POU2F2: variants seen among roughly 807,000 people sequenced by gnomAD.
POU2F2 encodes POU class 2 homeobox 2.
In POU2F2, 14 loss-of-function variants were observed where a neutral mutation model predicts 63.5. That is an observed-to-expected ratio of 0.22 (90% CI 0.15 to 0.34). POU2F2 has a LOEUF of 0.34. Among genes scored for constraint, POU2F2 ranks in the 10% least tolerant of loss-of-function variants. The pLI is 1.00. For synonymous variants in POU2F2, 306 were observed against 348.6 expected (o/e 0.88, Z 1.36); for missense variants, 607 against 815.2 (o/e 0.74, Z 3.11).
At chr19:42,104,754 G>C (rs539491963) in intron 5 of POU2F2, among the ~76,000 whole-genome samples, 1 of 152,236 alleles carries the variant, frequency 6.6e-6, no homozygotes, top group African/African-American at 2.4e-5. Flanking sequence ...TCTGGGATTT[G>C]AAACATGTAC....
At chr19:42,183,292 C>G (rs565896392) in intron 1 of POU2F2, among the ~76,000 whole-genome samples, 2 of 152,272 alleles carry the variant, frequency 1.3e-5, no homozygotes, top group African/African-American at 2.4e-5. Flanking sequence ...GTTACTGATA[C>G]ACACAGCAAC....
At chr19:42,123,740 A>C (rs955613887) in intron 1 of POU2F2, among the ~76,000 whole-genome samples, 4 of 152,114 alleles carry the variant, frequency 2.6e-5, no homozygotes, top group African/African-American at 9.7e-5. Context: ...GCTCATCCTG[A>C]AACTGAATCC....
chr19:42,187,635 G>A lies in POU2F2; in HGVS notation c.-70+8748C>T, dbSNP rs536572632. On this transcript the variant is annotated intron_variant, in intron 1 of 5. Transcript: ENST00000532176. ...AAATTAGCTGGGCATGGTGGTGGGC[G>A]CCTGTAATCCAAGCTACTTGGGAGG... 3.0e-4 allele frequency among the ~76,000 whole-genome samples: 46 copies of A among 151,666 alleles called. 1 individual carries two copies. The South Asian group carries it at 9.0e-3, about 30-fold the overall frequency.
chr19:42,142,657 C>G (rs2034153002), intron 2 of POU2F2, among the ~76,000 whole-genome samples: 1 of 151,752 alleles, frequency 6.6e-6, no homozygotes, highest in Non-Finnish European at 1.5e-5. Flanking sequence ...CTGCCACCCC[C>G]CAGCAAGCAA....
rs546204589 is a variant in POU2F2, at chr19:42,095,816, G to C, written c.843C>G (p.Pro281=). Residue 281 remains proline, a synonymous_variant, in exon 9 of 15, where the codon CCC becomes CCG. Coordinates refer to ENST00000692977, the MANE Select transcript of POU2F2 (RefSeq NM_001394376.1). This position sits in a 1 kb window ranked among gnomAD's most constrained non-coding sequence, Gnocchi z 7.1. ...LSFKNMCKLK[P]LLEKWLNDAE... Reference sequence around the variant, plus strand: ...CATCGTTGAGCCACTTCTCCAGGAGGGGCTTGAGTTTGCACATGTTCTTGA... The same window carrying C: ...CATCGTTGAGCCACTTCTCCAGGAGCGGCTTGAGTTTGCACATGTTCTTGA... 463 of 1,613,936 alleles carry C rather than the reference G, an allele frequency of 2.9e-4. No homozygotes were observed. The highest frequency in any genetic ancestry group is 3.7e-4 in the Non-Finnish European group (441 of 1,179,952).
chr19:42,150,380 C>T (rs1445684348), intron 2 of POU2F2, among the ~76,000 whole-genome samples: 2 of 115,066 alleles, frequency 1.7e-5, no homozygotes, highest in African/African-American at 3.4e-5. Context: ...TGGTGATGGA[C>T]GATGCTGATC....
At chr19:42,184,302 A>G (rs536542004) in intron 1 of POU2F2, among the ~76,000 whole-genome samples, 1 of 152,132 alleles carries the variant, frequency 6.6e-6, no homozygotes, top group East Asian at 1.9e-4. Flanking sequence ...AAGACTGGGG[A>G]TTTCTAATTG....
chr19:42,175,559 G>A (rs1386023887), intron 1 of POU2F2, among the ~76,000 whole-genome samples: 1 of 152,028 alleles, frequency 6.6e-6, no homozygotes, highest in Non-Finnish European at 1.5e-5. Flanking sequence ...CTAAGGGGTG[G>A]GGAGGAGGAG....
Position 42,096,557 on chromosome 19 carries a change from G to T in POU2F2, c.568-314C>A, listed in dbSNP as rs1241467671. On this transcript the variant is annotated intron_variant, in intron 7 of 14. Transcript: ENST00000692977. This position sits in a 1 kb window ranked among gnomAD's most constrained non-coding sequence, Gnocchi z 4.1. ...TTTTTGTGCCAGGGCTCTTTCCCTG[G>T]AGCTGGAGGCAGTGGTTCATCCTCA... 6.6e-6 allele frequency among the ~76,000 whole-genome samples: 1 copy of T among 152,220 alleles called. No individual in the cohort carries two copies. Among genetic ancestry groups the T allele is most frequent in the Admixed American group, 6.5e-5 (1 of 15,280 alleles).
At chr19:42,172,568 G>A (rs2034791209) in intron 1 of POU2F2, among the ~76,000 whole-genome samples, 1 of 152,100 alleles carries the variant, frequency 6.6e-6, no homozygotes, top group African/African-American at 2.4e-5. Flanking sequence ...ATCGAGTGAG[G>A]GAAAATGCAC....
intron 2 of POU2F2, among the ~76,000 whole-genome samples, chr19:42,138,402 CAGG>C (rs2034061315): frequency 6.6e-6 from 1 of 151,968 alleles, no homozygotes; most frequent in Admixed American, 6.6e-5. Flanking sequence ...AAAGGAAGGG[CAGG>C]AGGTGGGAAA....
intron 1 of POU2F2, among the ~76,000 whole-genome samples, chr19:42,195,322 C>T (rs555198899): frequency 6.7e-6 from 1 of 149,904 alleles, no homozygotes; most frequent in Admixed American, 6.6e-5. Flanking sequence ...CCTTCCCTCC[C>T]TCTTTTTCTT....
chr19:42,121,997 G>C, intron 4 of POU2F2, 129 bp downstream of exon 4: 2 of 969,998 alleles, frequency 2.1e-6, no homozygotes, highest in South Asian at 2.8e-5. Context: ...GAGTGAGAAG[G>C]GGCGGGAGGA....
At chr19:42,182,991 A>C (rs2034979083) in intron 1 of POU2F2, among the ~76,000 whole-genome samples, 1 of 152,204 alleles carries the variant, frequency 6.6e-6, no homozygotes, top group South Asian at 2.1e-4. Flanking sequence ...GGGCCTGCTG[A>C]GCAGAACCAG....
chr19:42,117,293 A>C lies in POU2F2; in HGVS notation c.326T>G (p.Leu109Arg). 1 of 1,508,292 alleles carries C rather than the reference A, an allele frequency of 6.6e-7. No homozygotes were observed. Among genetic ancestry groups the C allele is most frequent in the Non-Finnish European group, 8.8e-7 (1 of 1,136,720 alleles). 93.4% of individuals were successfully genotyped at this position (1,508,292 alleles called of 1,614,324 possible). A position where few individuals can be genotyped will look rare whatever the true frequency, so the allele number is the denominator to read the frequency against. ...PLPPQPAQPH[L>R]PQAQLMLTGS... ...CGTCAACATGAGTTGGGCCTGGGGC[A>C]GATGAGGCTGGGCCGGCTGAGGGGG... is the stretch of plus-strand genomic sequence containing the variant. Residue 109 changes from leucine to arginine, a missense_variant, in exon 5 of 15, where the codon CTG becomes CGG. Around this residue, in one of 7 missense-constraint regions of POU2F2, gnomAD observed 224 missense variants for 264.3 expected, o/e 0.85. Transcript: ENST00000692977. The surrounding 1 kb of genome is among the most constrained non-coding windows in gnomAD (Gnocchi z 4.4).
chr19:42,123,640 G>A (rs1045280146), intron 1 of POU2F2, among the ~76,000 whole-genome samples: 1 of 152,062 alleles, frequency 6.6e-6, no homozygotes, highest in Admixed American at 6.6e-5. Flanking sequence ...CATGACTGCT[G>A]GGCTCCTACT....
chr19:42,161,910 G>A (rs539185876), intron 1 of POU2F2, among the ~76,000 whole-genome samples: 38 of 152,324 alleles, frequency 2.5e-4, no homozygotes, highest in Admixed American at 5.9e-4. Context: ...ATTTAGGGCC[G>A]GGATCAATAG....
At chr19:42,100,681 G>C (rs889109539) in intron 5 of POU2F2, among the ~76,000 whole-genome samples, 4 of 151,634 alleles carry the variant, frequency 2.6e-5, no homozygotes, top group African/African-American at 9.7e-5. Context: ...AACCTAGGAG[G>C]CATAGGTTGC....
chr19:42,157,763 C>G (rs7253767), intron 2 of POU2F2, among the ~76,000 whole-genome samples: 15,669 of 152,170 alleles, frequency 0.1, 965 homozygotes, highest in Middle Eastern at 0.2. Context: ...AGTTGAGGAG[C>G]CTTAGATGGG....
Sources: allele counts gnomAD v4.1 joint callset (sites outside exome capture counted in the v4.1 genomes callset), GRCh38; gene constraint gnomAD v4.1.1; regional missense constraint gnomAD v4.1.1; non-coding constraint Gnocchi (gnomAD v3.1); transcripts MANE v1.5; gene names NCBI Gene and HGNC (gene_info 2026-07-23, HGNC 2026-07-21).